HOOK1: variants seen among roughly 807,000 people sequenced by gnomAD.
HOOK1 encodes the protein protein Hook homolog 1.
Under a neutral mutation model 112.8 loss-of-function variants are expected in HOOK1, and 60 were observed. The ratio of observed to expected loss-of-function variants is 0.53; its 90% CI spans 0.43 to 0.66. The LOEUF (loss-of-function observed/expected upper bound fraction) is 0.66, where lower values mean the gene tolerates loss of function less well. HOOK1 is among the 30% of genes least tolerant of loss of function. The pLI, the probability that HOOK1 is intolerant of heterozygous loss-of-function variation, is 0.00. For missense variants in HOOK1, 770 were observed against 856.0 expected, an observed-to-expected ratio of 0.90 and a Z score of 1.25; for synonymous variants, 294 against 283.8, an observed-to-expected ratio of 1.04 and a Z score of -0.36.
Position 59,865,879 on chromosome 1 carries a change from G to A in HOOK1, c.1752G>A (p.Lys584=). ...LQPDINQNVQ[K]INELEAALQK... is the part of the protein sequence containing the mutation. ...TTTTATTTTTACTAATAGTACAAAA[G>A]ATCAATGAACTTGAAGCTGCTCTTC... Residue 584 remains lysine (K), a synonymous_variant, in exon 19 of 22, where the codon AAG becomes AAA. Coordinates refer to ENST00000371208, the MANE Select transcript of HOOK1 (RefSeq NM_015888.6). 1.9e-6 allele frequency: 3 copies of A among 1,549,656 alleles called. No homozygotes were observed. The highest frequency in any genetic ancestry group is 2.6e-6 in the Non-Finnish European group (3 of 1,135,224).
At chr1:59,842,672 A>G (rs2098401616) in intron 8 of HOOK1, among the ~76,000 whole-genome samples, 1 of 152,164 alleles carries the variant, frequency 6.6e-6, no homozygotes, top group Non-Finnish European at 1.5e-5. Context: ...GAATAGGTTA[A>G]TCAATGGTTT....
At chr1:59,856,909 A>C (rs2098411055) in intron 12 of HOOK1, among the ~76,000 whole-genome samples, 1 of 152,084 alleles carries the variant, frequency 6.6e-6, no homozygotes. Context: ...GGGCATGTGC[A>C]CAGCCCTGTA....
At chr1:59,815,941 T>G (rs1180249109) in intron 1 of HOOK1, among the ~76,000 whole-genome samples, 1 of 152,190 alleles carries the variant, frequency 6.6e-6, no homozygotes, top group African/African-American at 2.4e-5. Context: ...GTCCCCAGAT[T>G]GTTCAATATT....
At chr1:59,815,216 G>A in intron 1 of HOOK1, 36 bp downstream of exon 1, 1 of 1,535,820 alleles carries the variant, frequency 6.5e-7, no homozygotes, top group Non-Finnish European at 8.7e-7. Flanking sequence ...AGGGGGCCAG[G>A]GGGCCGAGGC....
At chr1:59,815,337 C>G (rs950849971) in intron 1 of HOOK1, 157 bp downstream of exon 1, 1 of 667,040 alleles carries the variant, frequency 1.5e-6, no homozygotes, top group African/African-American at 1.9e-5. Flanking sequence ...ATGCCACCTG[C>G]GGGTCGACGG....
chr1:59,844,304 CAT>C (rs1428363990), intron 9 of HOOK1, among the ~76,000 whole-genome samples: 6 of 151,954 alleles, frequency 3.9e-5, no homozygotes, highest in Admixed American at 2.6e-4. Flanking sequence ...AAGTTGGACA[CAT>C]GTCTCTTTAC....
In HOOK1 at chr1:59,874,961, T is replaced by TG. The variant is rs1290330682; in HGVS notation, c.*1997dup. 6.6e-6 allele frequency: 1 copy of TG among 152,616 alleles called. No individual in the cohort carries two copies. The highest frequency in any genetic ancestry group is 1.5e-5 in the Non-Finnish European group (1 of 68,012). The allele number at this position is 152,616 out of a possible 1,614,324, so 9.5% of individuals were successfully genotyped here. A position where few individuals can be genotyped will look rare whatever the true frequency, so the allele number is the denominator to read the frequency against. On this transcript the variant is annotated 3_prime_UTR_variant, in exon 22 of 22. Transcript: ENST00000371208. The stretch of plus-strand genomic sequence containing the variant: ...TTAGATTTTGATACAGTTATATTGT[T>TG]GAGTTTCATTTTCATATATTCTTGT...
chr1:59,864,752 C>A (rs1330408462), intron 17 of HOOK1, 86 bp downstream of exon 17: 3 of 861,994 alleles, frequency 3.5e-6, no homozygotes, highest in East Asian at 5.2e-5. Context: ...CGGATTTTGT[C>A]TAGAAAAGCA....
intron 8 of HOOK1, 61 bp from the exon 9 acceptor site, chr1:59,843,371 A>C (rs1161749583): frequency 2.4e-6 from 3 of 1,265,100 alleles, no homozygotes; most frequent in Non-Finnish European, 3.3e-6. Flanking sequence ...GACTCTAATA[A>C]GAATTTTTAT....
chr1:59,834,401 A>G (rs1205245532), intron 5 of HOOK1, among the ~76,000 whole-genome samples: 1 of 152,222 alleles, frequency 6.6e-6, no homozygotes, highest in Non-Finnish European at 1.5e-5. Flanking sequence ...ATTGTAGTTT[A>G]TCAATTATAA....
At chr1:59,858,929 G>GT in intron 13 of HOOK1, 56 bp from the exon 14 acceptor site, 2 of 969,116 alleles carry the variant, frequency 2.1e-6, no homozygotes, top group South Asian at 1.4e-5. Context: ...AGGAGGGAGG[G>GT]TTTTTTAAAA....
At chr1:59,862,326 T>G (rs533531861) in intron 15 of HOOK1, among the ~76,000 whole-genome samples, 18 of 152,276 alleles carry the variant, frequency 1.2e-4, no homozygotes, top group Admixed American at 5.9e-4. Context: ...TCTGAGTTAG[T>G]TGCTAGTGGC....
rs986246744 is a variant in HOOK1 at position 59,871,027 on chromosome 1, A to G, written c.1948-15A>G. 2.1e-5 allele frequency: 33 copies of G among 1,549,832 alleles called. No individual in the cohort carries two copies. Among genetic ancestry groups the G allele is most frequent in the Non-Finnish European group, 2.9e-5 (32 of 1,122,778 alleles). ...AATTTCTGGGATTTTAATTGTTCTC[A>G]TATCTTTTTTCCAGAGTGAATGCAA... On this transcript the variant is annotated splice_polypyrimidine_tract_variant and intron_variant, in intron 20 of 21. Coordinates refer to ENST00000371208, the MANE Select transcript of HOOK1 (RefSeq NM_015888.6).
At chr1:59,862,364 C>G (rs575481540) in intron 15 of HOOK1, among the ~76,000 whole-genome samples, 1 of 152,016 alleles carries the variant, frequency 6.6e-6, no homozygotes, top group Non-Finnish European at 1.5e-5. Flanking sequence ...TTTAAAAAAA[C>G]TTGTGGAAAT....
chr1:59,839,273 A>T (rs984615841), intron 7 of HOOK1, among the ~76,000 whole-genome samples: 2 of 152,154 alleles, frequency 1.3e-5, no homozygotes, highest in African/African-American at 4.8e-5. Context: ...CTTTGAATCT[A>T]TAAATTACCT....
intron 2 of HOOK1, among the ~76,000 whole-genome samples, chr1:59,825,314 C>T (rs2098389053): frequency 6.6e-6 from 1 of 152,158 alleles, no homozygotes; most frequent in Non-Finnish European, 1.5e-5. Context: ...AAAGGCTTAG[C>T]TTCTTCACTT....
rs1371012994 is a variant in HOOK1 at position 59,873,368 on chromosome 1, T to G, written c.*403T>G. 1.3e-5 allele frequency: 2 copies of G among 153,166 alleles called. No homozygotes were observed. Among genetic ancestry groups the G allele is most frequent in the Admixed American group, 1.3e-4 (2 of 15,294 alleles). 9.5% of individuals were successfully genotyped at this position (153,166 alleles called of 1,614,324 possible). ...ATTGGATTTGTTTAATCTTTTTTTG[T>G]TTTTTGTTGATTTATATGAAAACAG... On this transcript the variant is annotated 3_prime_UTR_variant, in exon 22 of 22. Coordinates refer to ENST00000371208, the MANE Select transcript of HOOK1 (RefSeq NM_015888.6).
chr1:59,860,237 C>T lies in HOOK1; in HGVS notation c.1441C>T (p.Gln481Ter). Residue 481 changes from glutamine (Q) to a stop codon, truncating the protein, a stop_gained, in exon 15 of 22, where the codon CAA becomes TAA. Coordinates refer to ENST00000371208, the MANE Select transcript of HOOK1 (RefSeq NM_015888.6). LOFTEE classifies it high-confidence loss of function. ...QHENKMLRLQ[Q>*]EGSENERIEE... Reference sequence around the variant, plus strand: ...TGAAAATAAGATGCTTCGCTTACAGCAAGAAGGCTCTGAGAATGAACGTAT... The same window carrying T: ...TGAAAATAAGATGCTTCGCTTACAGTAAGAAGGCTCTGAGAATGAACGTAT... The T allele has an allele frequency of 6.2e-7, 1 of 1,609,780 alleles. No homozygotes were observed. Among genetic ancestry groups the T allele is most frequent in the Non-Finnish European group, 8.5e-7 (1 of 1,177,502 alleles).
intron 17 of HOOK1, 143 bp downstream of exon 17, chr1:59,864,809 T>A (rs1269668978): frequency 3.2e-6 from 2 of 617,088 alleles, no homozygotes; most frequent in East Asian, 5.6e-5. Context: ...GTGAAAAGCA[T>A]GCTAAAGATT....
Sources: allele counts gnomAD v4.1 joint callset (sites outside exome capture counted in the v4.1 genomes callset), GRCh38; gene constraint gnomAD v4.1.1; transcripts MANE v1.5; gene names NCBI Gene and HGNC (gene_info 2026-07-23, HGNC 2026-07-21).